Variants in FGFR2 observed in about 807,000 individuals in gnomAD.
FGFR2 encodes BEK fibroblast growth factor receptor.
A neutral mutation model predicts 95.9 loss-of-function variants in FGFR2; 19 were observed. The observed-to-expected ratio is 0.20, with a 90% CI of 0.14 to 0.29. The LOEUF is 0.29. Ranked by LOEUF, FGFR2 falls within the 10% of genes least tolerant of loss-of-function variation. The pLI is 1.00. For synonymous variants in FGFR2, 392 were observed against 393.3 expected, an observed-to-expected ratio of 1.00 and a Z score of 0.04; for missense variants, 707 against 1,056.9, an observed-to-expected ratio of 0.67 and a Z score of 4.59.
At chr10:121,575,674 G>C (rs1304657513) in intron 2 of FGFR2, among the ~76,000 whole-genome samples, 1 of 151,456 alleles carries the variant, frequency 6.6e-6, no homozygotes, top group Non-Finnish European at 1.5e-5. Flanking sequence ...GGCCAACATG[G>C]TGAAACCCCA....
chr10:121,482,859 C>A (rs955823851), intron 17 of FGFR2, among the ~76,000 whole-genome samples: 1 of 152,112 alleles, frequency 6.6e-6, no homozygotes, highest in East Asian at 1.9e-4. Flanking sequence ...AGTGCAGTGG[C>A]GCAATCTCAG....
intron 17 of FGFR2, chr10:121,480,348 G>C: frequency 9.1e-6 from 4 of 440,874 alleles, no homozygotes; most frequent in South Asian, 8.7e-5. Flanking sequence ...ACCTAGTTGA[G>C]CTATAGGTGC....
chr10:121,508,635 T>C (rs1007029254), intron 9 of FGFR2, among the ~76,000 whole-genome samples: 1 of 152,238 alleles, frequency 6.6e-6, no homozygotes, highest in African/African-American at 2.4e-5. Context: ...TTATTGTCAT[T>C]ATTATTAGAA....
intron 6 of FGFR2, among the ~76,000 whole-genome samples, chr10:121,522,499 T>A (rs1015650306): frequency 1.3e-5 from 2 of 151,954 alleles, no homozygotes; most frequent in Non-Finnish European, 2.9e-5. Context: ...GAGGCTGCAG[T>A]GAGCCACGAT....
At chr10:121,545,910 C>G (rs947167806) in intron 5 of FGFR2, among the ~76,000 whole-genome samples, 1 of 152,160 alleles carries the variant, frequency 6.6e-6, no homozygotes, top group Non-Finnish European at 1.5e-5. Flanking sequence ...ACCTGAACCC[C>G]TGTAATACCC....
chr10:121,553,830 G>A (rs960854288), intron 4 of FGFR2, among the ~76,000 whole-genome samples: 1 of 152,180 alleles, frequency 6.6e-6, no homozygotes, highest in African/African-American at 2.4e-5. Context: ...GGATTTAGCT[G>A]AAGGAACTAG....
In FGFR2 at chr10:121,531,654, C is replaced by G. The variant is rs187164580; in HGVS notation, c.748+6938G>C. On this transcript the variant is annotated intron_variant, in intron 6 of 17. Transcript: ENST00000358487. The surrounding 1 kb of genome is among the most constrained non-coding windows in gnomAD (Gnocchi z 4.5). ...TCCTCCCCATAGTGCTACAAGGAAACAGTCATCACCCCATTTTACAGGCAA... is the reference window on the plus strand; with the variant it reads ...TCCTCCCCATAGTGCTACAAGGAAAGAGTCATCACCCCATTTTACAGGCAA... Among the ~76,000 whole-genome samples, 13 of 152,250 alleles carry G rather than the reference C, an allele frequency of 8.5e-5. No homozygotes were observed. Among genetic ancestry groups the G allele is most frequent in the Admixed American group, 6.5e-4 (10 of 15,294 alleles).
intron 4 of FGFR2, 107 bp from the exon 5 acceptor site, chr10:121,551,566 AT>A: frequency 9.7e-7 from 1 of 1,034,434 alleles, no homozygotes; most frequent in Non-Finnish European, 1.4e-6. Flanking sequence ...ATGCTAGGCT[AT>A]TTTTTAAATC....
intron 9 of FGFR2, among the ~76,000 whole-genome samples, chr10:121,508,209 C>T (rs116526563): frequency 0.01 from 1,586 of 152,218 alleles, 28 homozygotes; most frequent in African/African-American, 0.037. Context: ...GGAAGATAAC[C>T]CAGTGACATT....
At chr10:121,581,100 G>C (rs771581062) in intron 2 of FGFR2, among the ~76,000 whole-genome samples, 2 of 152,230 alleles carry the variant, frequency 1.3e-5, no homozygotes, top group African/African-American at 4.8e-5. Context: ...ACAGAAAAGA[G>C]ATAGGAAGCA....
At chr10:121,571,033 G>C (rs1436523940) in intron 2 of FGFR2, among the ~76,000 whole-genome samples, 1 of 151,424 alleles carries the variant, frequency 6.6e-6, no homozygotes, top group Non-Finnish European at 1.5e-5. Flanking sequence ...TTGTCGCCCA[G>C]GCTGGAGTGC....
intron 2 of FGFR2, among the ~76,000 whole-genome samples, chr10:121,584,216 C>G (rs78279782): frequency 0.043 from 6,466 of 151,972 alleles, 376 homozygotes; most frequent in African/African-American, 0.13. Flanking sequence ...CCCTTCCATG[C>G]AGACAAAAAT....
chr10:121,573,844 C>T (rs560456435), intron 2 of FGFR2, among the ~76,000 whole-genome samples: 93 of 152,212 alleles, frequency 6.1e-4, no homozygotes, highest in Non-Finnish European at 1.0e-3. Flanking sequence ...CCTTCGGTTC[C>T]CGGTGCCCTC....
chr10:121,522,565 A>G (rs560875193), intron 6 of FGFR2, among the ~76,000 whole-genome samples: 2 of 152,316 alleles, frequency 1.3e-5, no homozygotes, highest in South Asian at 4.1e-4. Flanking sequence ...TAGAAAAGAA[A>G]AAAAACTTAG....
At chr10:121,521,457 G>A (rs549974518) in intron 6 of FGFR2, among the ~76,000 whole-genome samples, 1 of 152,176 alleles carries the variant, frequency 6.6e-6, no homozygotes, top group Non-Finnish European at 1.5e-5. Flanking sequence ...CTCCTCAAGT[G>A]TTAAGTAATA....
chr10:121,522,177 A>C (rs1850655228), intron 6 of FGFR2, among the ~76,000 whole-genome samples: 2 of 152,246 alleles, frequency 1.3e-5, no homozygotes, highest in African/African-American at 4.8e-5. Flanking sequence ...ATAAAGTTTC[A>C]GTAAAGCAAG....
chr10:121,546,865 T>C lies in FGFR2; in HGVS notation c.624+4425A>G, dbSNP rs1429130779. Among the ~76,000 whole-genome samples the C allele has an allele frequency of 5.3e-5, 8 of 152,340 alleles. No individual in the cohort carries two copies. The South Asian group carries it at 8.3e-4, about 16-fold the overall frequency. On this transcript the variant is annotated intron_variant, in intron 5 of 17. Coordinates refer to ENST00000358487, the MANE Select transcript of FGFR2 (RefSeq NM_000141.5). ...AACACACATTTGTTTGAAGAAGTTT[T>C]TCAGGTATTTGCTTTCTGGAAAAAT...
At chr10:121,525,770 T>C (rs986546075) in intron 6 of FGFR2, among the ~76,000 whole-genome samples, 6 of 152,214 alleles carry the variant, frequency 3.9e-5, no homozygotes, top group Non-Finnish European at 5.9e-5. Context: ...CAACTTTTGC[T>C]CTGACATAGC....
At chr10:121,480,170 AT>A (rs1352091321) in intron 17 of FGFR2, 149 bp from the exon 18 acceptor site, 7 of 919,916 alleles carry the variant, frequency 7.6e-6, no homozygotes, top group Admixed American at 3.4e-5. Flanking sequence ...AGATGTGGGT[AT>A]TGGACGTGGG....
Sources: allele counts gnomAD v4.1 joint callset (sites outside exome capture counted in the v4.1 genomes callset), GRCh38; gene constraint gnomAD v4.1.1; non-coding constraint Gnocchi (gnomAD v3.1); transcripts MANE v1.5; gene names NCBI Gene and HGNC (gene_info 2026-07-23, HGNC 2026-07-21).